Variants in PLPPR1 observed in about 807,000 individuals in gnomAD.
The protein encoded by PLPPR1 is phospholipid phosphatase-related protein type 1.
PLPPR1 carries 10 observed loss-of-function variants against 33.1 expected under a neutral mutation model. That is an observed-to-expected ratio of 0.30 (90% CI 0.19 to 0.51). The LOEUF is 0.51. Among genes scored for constraint, PLPPR1 ranks in the 20% least tolerant of loss-of-function variants. PLPPR1 has a pLI of 0.97. For missense variants in PLPPR1, 304 were observed against 408.1 expected, an observed-to-expected ratio of 0.74 and a Z score of 2.20; for synonymous variants, 151 against 151.0, an observed-to-expected ratio of 1.00 and a Z score of 0.00.
intron 2 of PLPPR1, among the ~76,000 whole-genome samples, chr9:101,204,028 C>T (rs928936717): frequency 6.6e-6 from 1 of 152,128 alleles, no homozygotes; most frequent in Admixed American, 6.5e-5. Flanking sequence ...ACTAAGATTG[C>T]TTCCCCTGTA....
chr9:101,131,613 G>T (rs777652236), intron 1 of PLPPR1: 1 of 152,144 alleles, frequency 6.6e-6, no homozygotes, highest in Non-Finnish European at 1.5e-5. Flanking sequence ...TCCCTCAGAC[G>T]CCAACATCTA....
chr9:101,183,697 GTGT>G (rs1826156853), intron 1 of PLPPR1, among the ~76,000 whole-genome samples: 1,090 of 5,044 alleles, frequency 0.22, 16 homozygotes, highest in African/African-American at 0.28. Flanking sequence ...CTCTTTGTGT[GTGT>G]GTGTGTGTGT....
At chr9:101,242,627 A>G (rs905439385) in intron 2 of PLPPR1, among the ~76,000 whole-genome samples, 3 of 152,038 alleles carry the variant, frequency 2.0e-5, no homozygotes, top group African/African-American at 7.2e-5. Flanking sequence ...CTAAATATAG[A>G]CTGATCACCC....
chr9:101,310,933 T>G (rs1250173376), intron 5 of PLPPR1, among the ~76,000 whole-genome samples: 1 of 152,224 alleles, frequency 6.6e-6, no homozygotes, highest in Non-Finnish European at 1.5e-5. Context: ...TAAATGTCTT[T>G]GCTTTATCAA....
At chr9:101,160,548 G>A (rs2771063) in intron 1 of PLPPR1, among the ~76,000 whole-genome samples, 96,029 of 151,952 alleles carry the variant, frequency 0.63, 31,164 homozygotes, top group Non-Finnish European at 0.71. Flanking sequence ...TATATATTCC[G>A]TGACATAGTA....
intron 2 of PLPPR1, among the ~76,000 whole-genome samples, chr9:101,219,098 A>G (rs1826868113): frequency 6.6e-6 from 1 of 152,204 alleles, no homozygotes; most frequent in African/African-American, 2.4e-5. Context: ...CTTCTCCCCT[A>G]CTGTGAAAGG....
intron 2 of PLPPR1, among the ~76,000 whole-genome samples, chr9:101,195,752 G>A (rs1404622336): frequency 6.6e-6 from 1 of 152,126 alleles, no homozygotes; most frequent in East Asian, 1.9e-4. Flanking sequence ...AGACCACCTT[G>A]TTCCTATGCT....
At chr9:101,154,310 G>A (rs927386538) in intron 1 of PLPPR1, among the ~76,000 whole-genome samples, 2 of 152,078 alleles carry the variant, frequency 1.3e-5, no homozygotes, top group Admixed American at 1.3e-4. Context: ...TGTACCTCTG[G>A]TAGAATTCAG....
intron 3 of PLPPR1, among the ~76,000 whole-genome samples, chr9:101,277,197 G>GA (rs1266787179): frequency 6.6e-6 from 1 of 152,160 alleles, no homozygotes; most frequent in East Asian, 1.9e-4. Flanking sequence ...GAGAATATTA[G>GA]AAGTATCTAA....
intron 1 of PLPPR1, among the ~76,000 whole-genome samples, chr9:101,078,155 GA>G (rs1830566284): frequency 3.5e-5 from 1 of 28,956 alleles, no homozygotes; most frequent in South Asian, 2.7e-3. Context: ...AGAAGAAGAA[GA>G]AGAAGAAGAA....
intron 4 of PLPPR1, among the ~76,000 whole-genome samples, chr9:101,304,063 G>A (rs1363465074): frequency 6.6e-6 from 1 of 151,754 alleles, no homozygotes; most frequent in African/African-American, 2.4e-5. Flanking sequence ...TTAGAATAGA[G>A]AGTGCTTTGA....
chr9:101,223,550 T>C (rs2567316), intron 2 of PLPPR1, among the ~76,000 whole-genome samples: 105,879 of 151,946 alleles, frequency 0.7, 37,464 homozygotes, highest in East Asian at 0.99. Flanking sequence ...ATAAGCCCCA[T>C]GTGTCAAGGG....
intron 1 of PLPPR1, among the ~76,000 whole-genome samples, chr9:101,078,705 A>C (rs975743747): frequency 6.6e-6 from 1 of 152,100 alleles, no homozygotes; most frequent in African/African-American, 2.4e-5. Context: ...TAAATAAATA[A>C]ATAAATAAAT....
intron 4 of PLPPR1, among the ~76,000 whole-genome samples, chr9:101,287,020 C>A (rs1828405390): frequency 8.0e-6 from 1 of 124,576 alleles, no homozygotes; most frequent in African/African-American, 3.7e-5. Context: ...AGCATGCTGT[C>A]AAGCCTTTTG....
In PLPPR1 at chr9:101,301,914, C is replaced by T. The variant is rs1044071752; in HGVS notation, c.386-7297C>T. 9.9e-5 allele frequency among the ~76,000 whole-genome samples: 15 copies of T among 152,140 alleles called. No individual in the cohort carries two copies. In the South Asian group the frequency reaches 2.9e-3, roughly 29 times the overall value. ...TTCATGAGGGACATGTTATAAAGTC[C>T]TTGCCTCTTCTCAGTGCTGTGTGCA... On this transcript the variant is annotated intron_variant, in intron 4 of 7. Transcript: ENST00000374874.
intron 1 of PLPPR1, among the ~76,000 whole-genome samples, chr9:101,100,680 CTATT>C (rs981624760): frequency 6.8e-6 from 1 of 146,624 alleles, no homozygotes; most frequent in Non-Finnish European, 1.5e-5. Flanking sequence ...TCATCAGAAA[CTATT>C]TACTCTTTGT....
chr9:101,178,918 C>A (rs140157186), intron 1 of PLPPR1, among the ~76,000 whole-genome samples: 2,845 of 152,196 alleles, frequency 0.019, 79 homozygotes, highest in African/African-American at 0.054. Context: ...TTCTGCTGGC[C>A]TAGAGGTCTT....
At chr9:101,082,328 G>A (rs1275380527) in intron 1 of PLPPR1, among the ~76,000 whole-genome samples, 1 of 152,084 alleles carries the variant, frequency 6.6e-6, no homozygotes, top group Non-Finnish European at 1.5e-5. Context: ...AGCTTACCTA[G>A]ATATTTTGGG....
chr9:101,213,007 T>C (rs1826716834), intron 2 of PLPPR1, among the ~76,000 whole-genome samples: 1 of 152,212 alleles, frequency 6.6e-6, no homozygotes, highest in African/African-American at 2.4e-5. Context: ...GTTTTAGTCC[T>C]TGTAACAAGC....
Sources: gnomAD v4.1 joint callset for allele counts (sites outside exome capture counted in the v4.1 genomes callset) on GRCh38, gnomAD v4.1.1 for gene constraint, MANE v1.5 for transcripts, NCBI Gene and HGNC (gene_info 2026-07-23, HGNC 2026-07-21) for gene names.